The following IQCJ variants were observed in gnomAD, a reference collection of about 807,000 sequenced individuals.
IQCJ encodes the protein IQ domain-containing protein J.
In IQCJ, 9 loss-of-function variants were observed where a neutral mutation model predicts 11.0. That is an observed-to-expected ratio of 0.82 (90% CI 0.49 to 1.43). The LOEUF (loss-of-function observed/expected upper bound fraction) is 1.43, where lower values mean the gene tolerates loss of function less well. IQCJ is among the 40% of genes most tolerant of loss of function. The pLI is 0.00. For synonymous variants in IQCJ, 55 were observed against 51.3 expected (o/e 1.07, Z -0.31); for missense variants, 146 against 133.2 (o/e 1.10, Z -0.47).
At chr3:159,095,232 C>G (rs1717645950) in intron 1 of IQCJ, among the ~76,000 whole-genome samples, 1 of 151,820 alleles carries the variant, frequency 6.6e-6, no homozygotes, top group African/African-American at 2.4e-5. Flanking sequence ...TGAAAAATCA[C>G]AATCTTAATT....
chr3:159,109,546 AC>A (rs1413710003), intron 1 of IQCJ, among the ~76,000 whole-genome samples: 10 of 144,806 alleles, frequency 6.9e-5, no homozygotes, highest in South Asian at 2.1e-4. Flanking sequence ...AAAAAAAAAA[AC>A]CAGTTGTCAT....
rs180695167 is a variant in IQCJ at position 159,206,426 on chromosome 3, A to G, written c.10-39417A>G. Among the ~76,000 whole-genome samples, 110 of 152,154 alleles carry G rather than the reference A, an allele frequency of 7.2e-4. 2 individuals carry two copies. Among genetic ancestry groups the G allele is most frequent in the Non-Finnish European group, 5.7e-4 (39 of 68,000 alleles). ...CTGTTCCCTTTCTTTAGGTAGCAAC[A>G]CCCCAATTTTGCAAAAAATGCATTG... is the stretch of plus-strand genomic sequence containing the variant. On this transcript the variant is annotated intron_variant, in intron 1 of 3. Coordinates refer to ENST00000397832, the MANE Select transcript of IQCJ (RefSeq NM_001042706.3).
intron 1 of IQCJ, among the ~76,000 whole-genome samples, chr3:159,192,366 GGTCCA>G: frequency 6.6e-6 from 1 of 152,236 alleles, no homozygotes; most frequent in South Asian, 2.1e-4. Flanking sequence ...TGGTGCTATA[GGTCCA>G]GTCCCTCATA....
At chr3:159,178,218 T>A (rs572816016) in intron 1 of IQCJ, among the ~76,000 whole-genome samples, 2 of 152,108 alleles carry the variant, frequency 1.3e-5, no homozygotes, top group Admixed American at 1.3e-4. Flanking sequence ...GAAAGGTAGG[T>A]GACATGAAGT....
chr3:159,165,139 T>C (rs1722093423), intron 1 of IQCJ, among the ~76,000 whole-genome samples: 1 of 152,238 alleles, frequency 6.6e-6, no homozygotes, highest in African/African-American at 2.4e-5. Context: ...AGGCCTGTAG[T>C]TAGGAGCCTT....
intron 1 of IQCJ, among the ~76,000 whole-genome samples, chr3:159,156,113 A>G (rs1721505946): frequency 6.6e-6 from 1 of 152,254 alleles, no homozygotes; most frequent in Non-Finnish European, 1.5e-5. Context: ...TGCATTTTAC[A>G]TAGCCTCCCA....
At chr3:159,091,674 GCACACA>G (rs1170628138) in intron 1 of IQCJ, among the ~76,000 whole-genome samples, 1,145 of 81,290 alleles carry the variant, frequency 0.014, 18 homozygotes, top group African/African-American at 0.022. Context: ...ACACACGCAT[GCACACA>G]CACACACACA....
At chr3:159,130,055 T>G (rs962569370) in intron 1 of IQCJ, among the ~76,000 whole-genome samples, 6 of 152,148 alleles carry the variant, frequency 3.9e-5, no homozygotes, top group Admixed American at 1.3e-4. Flanking sequence ...TTTCTAGTGT[T>G]GCACTCCTGT....
In IQCJ at chr3:159,089,713, G is replaced by A. The variant is rs1350611688; in HGVS notation, c.9+20272G>A. Among the ~76,000 whole-genome samples, 10 of 151,476 alleles carry A rather than the reference G, an allele frequency of 6.6e-5. No homozygotes were observed. In the East Asian group the frequency reaches 7.7e-4, roughly 12 times the overall value. On this transcript the variant is annotated intron_variant, in intron 1 of 3. Transcript: ENST00000397832. ...ACCCTTTCTTCCAGTTGATCTCACC[G>A]GCTCCTGAGGCTTCTGCATTCTTTA...
chr3:159,207,371 G>A (rs1181085270), intron 1 of IQCJ, among the ~76,000 whole-genome samples: 2 of 152,118 alleles, frequency 1.3e-5, no homozygotes, highest in Admixed American at 6.5e-5. Context: ...AGGCTTTATT[G>A]TTTTACTTTC....
chr3:159,169,733 G>A (rs1472026550), intron 1 of IQCJ, among the ~76,000 whole-genome samples: 1 of 152,146 alleles, frequency 6.6e-6, no homozygotes. Flanking sequence ...GGACCCAATT[G>A]TACTCCTTGA....
intron 1 of IQCJ, among the ~76,000 whole-genome samples, chr3:159,239,313 C>T (rs916624064): frequency 1.3e-5 from 2 of 152,142 alleles, no homozygotes; most frequent in African/African-American, 4.8e-5. Context: ...AATATGATTT[C>T]CTAGAATGTG....
intron 1 of IQCJ, among the ~76,000 whole-genome samples, chr3:159,115,578 A>G (rs539883297): frequency 3.9e-5 from 6 of 152,322 alleles, no homozygotes; most frequent in African/African-American, 1.4e-4. Flanking sequence ...ACTGGAAGCC[A>G]TGGTGAAATA....
rs753276743 is a variant in IQCJ at position 159,137,957 on chromosome 3, TA to T, written c.9+68517del. Reference sequence around the variant, plus strand: ...GTATAGCTCTCCTTTTGTCTTTATATATAAAATGCAAATTACAATGCTTACA... The same window carrying T: ...GTATAGCTCTCCTTTTGTCTTTATATTAAAATGCAAATTACAATGCTTACA... On this transcript the variant is annotated intron_variant, in intron 1 of 3. Coordinates refer to ENST00000397832, the MANE Select transcript of IQCJ (RefSeq NM_001042706.3). Among the ~76,000 whole-genome samples the T allele has an allele frequency of 2.0e-5, 3 of 152,370 alleles. No individual in the cohort carries two copies. The East Asian group carries it at 5.8e-4, about 29-fold the overall frequency.
In IQCJ at chr3:159,251,980, C is replaced by A. The variant is rs146332755; in HGVS notation, c.75-747C>A. Among the ~76,000 whole-genome samples, 1,003 of 152,254 alleles carry A rather than the reference C, an allele frequency of 6.6e-3. 5 individuals are homozygous for A. Among genetic ancestry groups the A allele is most frequent in the African/African-American group, 0.023 (953 of 41,550 alleles). On this transcript the variant is annotated intron_variant, in intron 2 of 3. Transcript: ENST00000397832. ...ACTATTAGCTTTCTGCTTATCAAAG[C>A]CTATTTCCTTTTGTTCTCCTATTTT... is the stretch of plus-strand genomic sequence containing the variant.
chr3:159,259,187 G>T (rs944208427), intron 3 of IQCJ, among the ~76,000 whole-genome samples: 16 of 152,104 alleles, frequency 1.1e-4, no homozygotes, highest in African/African-American at 3.6e-4. Context: ...AAACACACAG[G>T]GATATACAGA....
intron 1 of IQCJ, among the ~76,000 whole-genome samples, chr3:159,209,513 T>C (rs1173692229): frequency 1.3e-5 from 2 of 152,282 alleles, no homozygotes; most frequent in Non-Finnish European, 2.9e-5. Flanking sequence ...TCTGTCACCC[T>C]GACCCTCCAC....
chr3:159,120,773 T>A (rs1039250509), intron 1 of IQCJ, among the ~76,000 whole-genome samples: 1 of 152,184 alleles, frequency 6.6e-6, no homozygotes, highest in Non-Finnish European at 1.5e-5. Context: ...GTAAAGGGTT[T>A]TAGTTTTCTT....
Position 159,262,703 on chromosome 3 carries a change from T to C in IQCJ, c.311T>C (p.Phe104Ser), listed in dbSNP as rs1728289869. 6.2e-7 allele frequency: 1 copy of C among 1,613,740 alleles called. No individual in the cohort carries two copies. The highest frequency in any genetic ancestry group is 1.7e-5 in the Admixed American group (1 of 60,008). Residue 104 changes from phenylalanine (F) to serine (S), a missense_variant, in exon 4 of 4, where the codon TTT (phenylalanine) becomes TCT (serine). Coordinates refer to ENST00000397832, the MANE Select transcript of IQCJ (RefSeq NM_001042706.3). Reference protein sequence around the residue: ...SSTPVSVMFLFLCPDLTFN With the variant: ...SSTPVSVMFLSLCPDLTFN Reference sequence around the variant, plus strand: ...ACACCCGTGAGTGTCATGTTTCTTTTTCTATGTCCTGACTTGACATTCAAC... The same window carrying C: ...ACACCCGTGAGTGTCATGTTTCTTTCTCTATGTCCTGACTTGACATTCAAC...
Sources: allele counts gnomAD v4.1 joint callset (sites outside exome capture counted in the v4.1 genomes callset), GRCh38; gene constraint gnomAD v4.1.1; transcripts MANE v1.5; gene names NCBI Gene and HGNC (gene_info 2026-07-23, HGNC 2026-07-21).